KHDRBS2: variants seen among roughly 807,000 people sequenced by gnomAD.
The protein encoded by KHDRBS2 is KH RNA binding domain containing, signal transduction associated 2.
KHDRBS2 carries 26 observed loss-of-function variants against 44.3 expected under a neutral mutation model. The ratio of observed to expected loss-of-function variants is 0.59; its 90% CI spans 0.43 to 0.81. The LOEUF (loss-of-function observed/expected upper bound fraction) is 0.81. Ranked by LOEUF, KHDRBS2 falls within the 40% of genes least tolerant of loss-of-function variation. The probability of loss-of-function intolerance (pLI) is 0.00; values close to 1 mark genes in which losing one functional copy is unlikely to be tolerated. For missense variants in KHDRBS2, 476 were observed against 433.1 expected, an observed-to-expected ratio of 1.10 and a Z score of -0.88; for synonymous variants, 194 against 151.1, an observed-to-expected ratio of 1.28 and a Z score of -2.08.
chr6:62,132,330 C>A (rs920439311), intron 2 of KHDRBS2, among the ~76,000 whole-genome samples: 4 of 152,128 alleles, frequency 2.6e-5, no homozygotes, highest in African/African-American at 7.2e-5. Context: ...TGAGTAAATA[C>A]CTTAAGGTTG....
At chr6:62,163,197 T>G (rs1818000097) in intron 2 of KHDRBS2, among the ~76,000 whole-genome samples, 1 of 151,938 alleles carries the variant, frequency 6.6e-6, no homozygotes, top group African/African-American at 2.4e-5. Context: ...GAGATAAAAA[T>G]AGTCTTGTCC....
rs562990465 is a variant in KHDRBS2, at chr6:61,771,202, G to A, written c.811-38438C>T. On this transcript the variant is annotated intron_variant, in intron 6 of 8. Transcript: ENST00000281156. ...CTGAAGGAAGCACTAAACATGGAAA[G>A]GAACAACTGGTACCAGCCACTGCAA... 6.6e-5 allele frequency among the ~76,000 whole-genome samples: 10 copies of A among 152,280 alleles called. No individual in the cohort carries two copies. In the East Asian group the frequency reaches 1.9e-3, roughly 29 times the overall value.
At chr6:62,191,320 G>A (rs1277658161) in intron 1 of KHDRBS2, among the ~76,000 whole-genome samples, 1 of 152,002 alleles carries the variant, frequency 6.6e-6, no homozygotes, top group African/African-American at 2.4e-5. Flanking sequence ...CTGAGCAAAC[G>A]ATACTCTCAA....
chr6:61,870,436 C>T (rs1249359547), intron 6 of KHDRBS2, among the ~76,000 whole-genome samples: 2 of 152,166 alleles, frequency 1.3e-5, no homozygotes, highest in Non-Finnish European at 2.9e-5. Flanking sequence ...GGACAGAGCA[C>T]CTGGGGGAAG....
At chr6:61,543,064 T>G in the KHDRBS2 span, among the ~76,000 whole-genome samples, 6 of 151,988 alleles carry the variant, frequency 3.9e-5, no homozygotes, top group Non-Finnish European at 8.8e-5. Flanking sequence ...AAAGATTTCT[T>G]GAGTAATACT....
At chr6:61,559,818 T>C in the KHDRBS2 span, among the ~76,000 whole-genome samples, 1 of 152,230 alleles carries the variant, frequency 6.6e-6, no homozygotes, top group Admixed American at 6.5e-5. Flanking sequence ...CATCTTTTAG[T>C]CTTTCTGCAT....
At chr6:61,631,044 C>T in the KHDRBS2 span, among the ~76,000 whole-genome samples, 1 of 151,690 alleles carries the variant, frequency 6.6e-6, no homozygotes, top group African/African-American at 2.4e-5. Context: ...TAAATTTGAT[C>T]CAAATTTTGG....
chr6:61,650,620 T>TCA, the KHDRBS2 span, among the ~76,000 whole-genome samples: 1 of 149,438 alleles, frequency 6.7e-6, no homozygotes, highest in Non-Finnish European at 1.5e-5. Flanking sequence ...TTTTTTTTTT[T>TCA]AATTAGGCCA....
At chr6:62,233,169 T>G (rs780057425) in intron 1 of KHDRBS2, among the ~76,000 whole-genome samples, 5 of 152,124 alleles carry the variant, frequency 3.3e-5, no homozygotes, top group Non-Finnish European at 7.4e-5. Flanking sequence ...TGAAGGAGGC[T>G]CAGATGCCAG....
intron 1 of KHDRBS2, among the ~76,000 whole-genome samples, chr6:62,223,290 G>C (rs1278841827): frequency 1.3e-5 from 2 of 152,224 alleles, no homozygotes; most frequent in Admixed American, 6.5e-5. Context: ...TATGGTGCGA[G>C]CTCTGCATTA....
At chr6:61,849,957 C>T (rs1795195655) in intron 6 of KHDRBS2, among the ~76,000 whole-genome samples, 1 of 152,130 alleles carries the variant, frequency 6.6e-6, no homozygotes, top group African/African-American at 2.4e-5. Context: ...CTTAATCTGT[C>T]TGAACTTTGA....
intron 2 of KHDRBS2, among the ~76,000 whole-genome samples, chr6:62,144,369 T>C (rs901857555): frequency 1.3e-5 from 2 of 152,018 alleles, no homozygotes; most frequent in African/African-American, 4.8e-5. Flanking sequence ...ATCTGTAAAC[T>C]TGACTAATAT....
chr6:61,775,923 G>C (rs1157344069), intron 6 of KHDRBS2, among the ~76,000 whole-genome samples: 1 of 152,132 alleles, frequency 6.6e-6, no homozygotes, highest in Non-Finnish European at 1.5e-5. Flanking sequence ...AAACAGCATG[G>C]TACTGGTACC....
intron 6 of KHDRBS2, among the ~76,000 whole-genome samples, chr6:61,886,331 G>A (rs543259706): frequency 1.1e-4 from 17 of 152,130 alleles, no homozygotes; most frequent in Admixed American, 2.6e-4. Context: ...TGCTTTGAAA[G>A]TTTCCTTTTC....
chr6:61,765,765 C>A (rs2127574252), intron 6 of KHDRBS2, among the ~76,000 whole-genome samples: 1 of 152,042 alleles, frequency 6.6e-6, no homozygotes, highest in East Asian at 1.9e-4. Flanking sequence ...AGTTTTTGTC[C>A]TTCATTCTGT....
At chr6:61,770,131 T>C (rs1249689586) in intron 6 of KHDRBS2, among the ~76,000 whole-genome samples, 1 of 152,204 alleles carries the variant, frequency 6.6e-6, no homozygotes, top group Non-Finnish European at 1.5e-5. Flanking sequence ...GGGTCCTGTC[T>C]GTTAGAAGGA....
intron 4 of KHDRBS2, among the ~76,000 whole-genome samples, chr6:61,936,634 T>C (rs1438685620): frequency 6.6e-5 from 10 of 151,992 alleles, no homozygotes; most frequent in African/African-American, 2.4e-4. Flanking sequence ...TGTCCAGTTC[T>C]TTCAGTGAAG....
In KHDRBS2 at chr6:61,998,535, A is replaced by C. The variant is rs535387341; in HGVS notation, c.337-20323T>G. Among the ~76,000 whole-genome samples, 254 of 152,284 alleles carry C rather than the reference A, an allele frequency of 1.7e-3. 9 individuals carry two copies. In the South Asian group the frequency reaches 0.047, roughly 28 times the overall value. On this transcript the variant is annotated intron_variant, in intron 3 of 8. Transcript: ENST00000281156. Reference sequence around the variant, plus strand: ...AATTTCATAGGATTTCTTTCCCAGAATGGAAAACACGTTTTCTTCTTTATC... The same window carrying C: ...AATTTCATAGGATTTCTTTCCCAGACTGGAAAACACGTTTTCTTCTTTATC...
rs995974567 is a variant in KHDRBS2 at position 61,902,623 on chromosome 6, T to C, written c.484-1252A>G. 4.6e-5 allele frequency among the ~76,000 whole-genome samples: 7 copies of C among 152,136 alleles called. No homozygotes were observed. In the East Asian group the frequency reaches 5.8e-4, roughly 13 times the overall value. On this transcript the variant is annotated intron_variant, in intron 4 of 8. Transcript: ENST00000281156. ...TCAATTATTATTCTGGAAACATAGT[T>C]TAAGTGAAATCAATCTAGTGGCTCT...
Sources: allele counts gnomAD v4.1 joint callset (sites outside exome capture counted in the v4.1 genomes callset), GRCh38; gene constraint gnomAD v4.1.1; transcripts MANE v1.5; gene names NCBI Gene and HGNC (gene_info 2026-07-23, HGNC 2026-07-21).